Variants in TENM3 observed in about 807,000 individuals in gnomAD.
TENM3 encodes the protein teneurin-3.
In TENM3, 63 loss-of-function variants were observed where a neutral mutation model predicts 255.1. The ratio of observed to expected loss-of-function variants is 0.25; its 90% CI spans 0.20 to 0.30. The LOEUF is 0.30. Among genes scored for constraint, TENM3 ranks in the 10% least tolerant of loss-of-function variants. The pLI, the probability that TENM3 is intolerant of heterozygous loss-of-function variation, is 1.00. For synonymous variants in TENM3, 1,306 were observed against 1,322.3 expected (o/e 0.99, Z 0.27); for missense variants, 2,929 against 3,461.1 (o/e 0.85, Z 3.86).
the TENM3 span, among the ~76,000 whole-genome samples, chr4:181,991,934 A>G: frequency 2.0e-5 from 3 of 152,126 alleles, no homozygotes; most frequent in Admixed American, 2.0e-4. Context: ...CCTTGTACTT[A>G]TATGTCCCTA....
At chr4:181,450,030 ATT>A in the TENM3 span, among the ~76,000 whole-genome samples, 3 of 152,280 alleles carry the variant, frequency 2.0e-5, no homozygotes, top group African/African-American at 7.2e-5. Flanking sequence ...TTAAACTACT[ATT>A]TAATATGTAG....
At chr4:181,783,867 A>G in the TENM3 span, among the ~76,000 whole-genome samples, 1 of 152,048 alleles carries the variant, frequency 6.6e-6, no homozygotes, top group Admixed American at 6.6e-5. Flanking sequence ...TCTCAGCTAA[A>G]TTTTTTACTT....
chr4:182,771,867 A>G (rs1764259584), intron 22 of TENM3, among the ~76,000 whole-genome samples: 1 of 152,152 alleles, frequency 6.6e-6, no homozygotes, highest in South Asian at 2.1e-4. Flanking sequence ...CTAAACAATG[A>G]TTCCACTTAA....
At chr4:182,496,784 CT>C (rs1245115376) in intron 3 of TENM3, among the ~76,000 whole-genome samples, 2 of 152,078 alleles carry the variant, frequency 1.3e-5, no homozygotes, top group Non-Finnish European at 2.9e-5. Context: ...CAAATTGAGG[CT>C]GGATGTGCTA....
the TENM3 span, among the ~76,000 whole-genome samples, chr4:181,458,713 C>A: frequency 1.3e-5 from 2 of 151,916 alleles, no homozygotes; most frequent in Non-Finnish European, 2.9e-5. Context: ...TAAAGATTTT[C>A]TTCCTTGCAT....
chr4:181,764,329 C>A, the TENM3 span, among the ~76,000 whole-genome samples: 1 of 152,098 alleles, frequency 6.6e-6, no homozygotes, highest in African/African-American at 2.4e-5. Flanking sequence ...TCACACTTTC[C>A]TTTGATTTAC....
chr4:182,197,435 C>T (rs1753898816), intron 1 of TENM3, among the ~76,000 whole-genome samples: 1 of 152,028 alleles, frequency 6.6e-6, no homozygotes. Context: ...TTTTTTTCCT[C>T]TCTAGGAGTT....
chr4:181,622,697 A>G, the TENM3 span, among the ~76,000 whole-genome samples: 2 of 152,172 alleles, frequency 1.3e-5, no homozygotes, highest in Admixed American at 6.5e-5. Flanking sequence ...AATAAATATG[A>G]TAACATGGCT....
Position 182,260,784 on chromosome 4 carries a change from A to G in TENM3, c.-76+17308A>G, listed in dbSNP as rs1376418146. Among the ~76,000 whole-genome samples the G allele has an allele frequency of 1.3e-4, 20 of 152,262 alleles. 1 individual carries two copies. The highest frequency in any genetic ancestry group is 4.4e-5 in the Non-Finnish European group (3 of 68,056). On this transcript the variant is annotated intron_variant, in intron 1 of 27. Transcript: ENST00000511685. ...ATACTGAACTCATATAATACTGACA[A>G]CTATGAAAAATCATCAGTTAGTGAA...
At chr4:182,229,989 AT>A (rs1167501930) in intron 1 of TENM3, among the ~76,000 whole-genome samples, 34 of 152,126 alleles carry the variant, frequency 2.2e-4, no homozygotes, top group Admixed American at 2.2e-3. Flanking sequence ...GTAATACAGC[AT>A]TTTTATCTGC....
chr4:182,003,514 G>A, the TENM3 span, among the ~76,000 whole-genome samples: 1 of 151,978 alleles, frequency 6.6e-6, no homozygotes, highest in Non-Finnish European at 1.5e-5. Context: ...TTAAAACTAA[G>A]TAAAATTTGG....
chr4:181,637,016 G>A, the TENM3 span, among the ~76,000 whole-genome samples: 2 of 151,874 alleles, frequency 1.3e-5, no homozygotes, highest in Non-Finnish European at 2.9e-5. Context: ...CTGCACATTC[G>A]GTTTCCTCTT....
chr4:182,680,434 G>T, intron 9 of TENM3, 85 bp downstream of exon 9: 2 of 873,096 alleles, frequency 2.3e-6, no homozygotes, highest in Admixed American at 4.0e-5. Context: ...AGACAGGAAA[G>T]AAAGGGGGGG....
At chr4:181,696,509 G>A in the TENM3 span, among the ~76,000 whole-genome samples, 7 of 152,092 alleles carry the variant, frequency 4.6e-5, no homozygotes, top group Non-Finnish European at 8.8e-5. Flanking sequence ...TAATAGCACC[G>A]CAGATTTATG....
chr4:182,126,960 T>C, the TENM3 span, among the ~76,000 whole-genome samples: 1 of 152,200 alleles, frequency 6.6e-6, no homozygotes, highest in Non-Finnish European at 1.5e-5. Context: ...AATCTACCTT[T>C]GCAAAGTGTG....
chr4:182,541,592 G>A (rs1740886658), intron 3 of TENM3, among the ~76,000 whole-genome samples: 1 of 152,142 alleles, frequency 6.6e-6, no homozygotes, highest in Admixed American at 6.5e-5. Flanking sequence ...ATTATCTTAT[G>A]TAGTATATGT....
intron 2 of TENM3, among the ~76,000 whole-genome samples, chr4:182,335,494 CAAAAAAAA>C (rs372965020): frequency 1.1e-4 from 6 of 52,398 alleles, no homozygotes; most frequent in African/African-American, 2.1e-4. Context: ...GACTCCGCCT[CAAAAAAAA>C]AAAAAAAAAA....
the TENM3 span, among the ~76,000 whole-genome samples, chr4:182,015,542 A>T: frequency 6.9e-6 from 1 of 145,188 alleles, no homozygotes; most frequent in South Asian, 2.2e-4. Flanking sequence ...TTAATTCATG[A>T]TTTTAATTTT....
At chr4:181,831,046 C>T in the TENM3 span, among the ~76,000 whole-genome samples, 3 of 152,010 alleles carry the variant, frequency 2.0e-5, no homozygotes, top group Non-Finnish European at 4.4e-5. Context: ...CTTTCCAACC[C>T]CCAAAAAACT....
Sources: allele counts gnomAD v4.1 joint callset (sites outside exome capture counted in the v4.1 genomes callset), GRCh38; gene constraint gnomAD v4.1.1; transcripts MANE v1.5; gene names NCBI Gene and HGNC (gene_info 2026-07-23, HGNC 2026-07-21).